Variants in USP15 observed in about 807,000 individuals in gnomAD.
The protein encoded by USP15 is ubiquitin carboxyl-terminal hydrolase 15.
Under a neutral mutation model 127.1 loss-of-function variants are expected in USP15, and 18 were observed. The ratio of observed to expected loss-of-function variants is 0.14; its 90% CI spans 0.10 to 0.21. The LOEUF is 0.21. Among genes scored for constraint, USP15 ranks in the 10% least tolerant of loss-of-function variants. The pLI is 1.00. For synonymous variants in USP15, 364 were observed against 393.7 expected (o/e 0.92, Z 0.89); for missense variants, 805 against 1,159.9 (o/e 0.69, Z 4.44).
At chr12:62,354,576 TTTC>T (rs1030836769) in intron 7 of USP15, among the ~76,000 whole-genome samples, 14 of 151,970 alleles carry the variant, frequency 9.2e-5, no homozygotes, top group Admixed American at 2.0e-4. Flanking sequence ...TTTAACTTAT[TTTC>T]TTCTTTCTAA....
rs762197022 is a variant in USP15, at chr12:62,384,332, T to G, written c.1473+30T>G. On this transcript the variant is annotated intron_variant, in intron 11 of 21. Coordinates refer to ENST00000280377, the MANE Select transcript of USP15 (RefSeq NM_001252078.2). ...ATCATGGGTTGGTTTGTTTTGTTTTTTTTTTTTTTTTTTTGCATTTGTTAT... is the reference window on the plus strand; with the variant it reads ...ATCATGGGTTGGTTTGTTTTGTTTTGTTTTTTTTTTTTTTGCATTTGTTAT... 4.8e-5 allele frequency: 59 copies of G among 1,237,170 alleles called. No homozygotes were observed. In the East Asian group the frequency reaches 5.6e-4, roughly 12 times the overall value. 76.6% of individuals were successfully genotyped at this position (1,237,170 alleles called of 1,614,324 possible).
rs1408959086 is a variant in USP15, at chr12:62,311,748, CAAG to C, written c.349-3039_349-3037del. Among the ~76,000 whole-genome samples the C allele has an allele frequency of 2.0e-5, 3 of 151,578 alleles. No individual in the cohort carries two copies. In the East Asian group the frequency reaches 5.8e-4, roughly 29 times the overall value. On this transcript the variant is annotated intron_variant, in intron 3 of 21. Transcript: ENST00000280377. ...ATGCAGTGGTCTAAAGTAAAAATTA[CAAG>C]AATAGGAAAGATGGAGAACTTCTAG... is the stretch of plus-strand genomic sequence containing the variant.
At chr12:62,335,486 C>G (rs1026496537) in intron 6 of USP15, 8 of 1,225,182 alleles carry the variant, frequency 6.5e-6, no homozygotes, top group Non-Finnish European at 8.2e-6. Context: ...TCTACTCTAC[C>G]TGTAGTATTT....
chr12:62,382,663 C>T (rs1468163170), intron 9 of USP15, among the ~76,000 whole-genome samples: 1 of 152,006 alleles, frequency 6.6e-6, no homozygotes, highest in East Asian at 1.9e-4. Context: ...CATACTATTA[C>T]ATTTATTTTC....
intron 6 of USP15, among the ~76,000 whole-genome samples, chr12:62,336,851 A>G (rs1227262714): frequency 6.6e-6 from 1 of 152,212 alleles, no homozygotes; most frequent in Non-Finnish European, 1.5e-5. Flanking sequence ...GAAAAGGAGT[A>G]TTTTCAGATC....
chr12:62,395,686 C>G (rs1282032422), intron 19 of USP15, among the ~76,000 whole-genome samples: 6 of 151,608 alleles, frequency 4.0e-5, no homozygotes, highest in South Asian at 2.1e-4. Context: ...CATCCTTCTA[C>G]TCTGTCTGTC....
At chr12:62,328,435 T>C in intron 6 of USP15, 1 of 271,948 alleles carries the variant, frequency 3.7e-6, no homozygotes, top group South Asian at 3.3e-5. Flanking sequence ...GGATTTGGCC[T>C]GTGAGCCATA....
intron 1 of USP15, among the ~76,000 whole-genome samples, chr12:62,261,497 A>G (rs2063056664): frequency 6.6e-6 from 1 of 152,210 alleles, no homozygotes; most frequent in Admixed American, 6.5e-5. Flanking sequence ...GTGTTTCAGT[A>G]TGGCATAGTG....
In USP15 at chr12:62,411,681, AC is replaced by A. The variant is rs1274288607; in HGVS notation, c.*7307del. ...GCTCAGGCTGCCATAACAAACACAG[AC>A]TGGGTGGCTTAAATAACAGAAATTT... On this transcript the variant is annotated 3_prime_UTR_variant, in exon 22 of 22. Transcript: ENST00000280377. 6.6e-6 allele frequency: 1 copy of A among 152,198 alleles called. No individual in the cohort carries two copies. The highest frequency in any genetic ancestry group is 1.5e-5 in the Non-Finnish European group (1 of 68,054). 9.4% of individuals were successfully genotyped at this position (152,198 alleles called of 1,614,324 possible). A position where few individuals can be genotyped will look rare whatever the true frequency, so the allele number is the denominator to read the frequency against.
intron 4 of USP15, among the ~76,000 whole-genome samples, chr12:62,319,326 G>C (rs770331348): frequency 6.6e-6 from 1 of 152,184 alleles, no homozygotes; most frequent in Non-Finnish European, 1.5e-5. Flanking sequence ...AAACACTGGG[G>C]ATTACAATTT....
At chr12:62,338,051 G>A (rs1343173215) in intron 6 of USP15, among the ~76,000 whole-genome samples, 2 of 152,122 alleles carry the variant, frequency 1.3e-5, no homozygotes, top group African/African-American at 4.8e-5. Context: ...TTGAGGAATC[G>A]CCACACTGTC....
chr12:62,345,926 A>G (rs1368775846), intron 6 of USP15, among the ~76,000 whole-genome samples: 1 of 152,152 alleles, frequency 6.6e-6, no homozygotes, highest in African/African-American at 2.4e-5. Context: ...CCCGTGATTC[A>G]ATCATTTCCC....
chr12:62,378,363 A>G (rs972025697), intron 8 of USP15, among the ~76,000 whole-genome samples: 9 of 152,180 alleles, frequency 5.9e-5, no homozygotes, highest in African/African-American at 2.2e-4. Flanking sequence ...TTGACTATTG[A>G]ATTTATGTAT....
intron 1 of USP15, among the ~76,000 whole-genome samples, chr12:62,266,745 T>C (rs2063201443): frequency 1.3e-5 from 2 of 152,130 alleles, no homozygotes; most frequent in Non-Finnish European, 2.9e-5. Context: ...TATATATTTA[T>C]ATGACTTATA....
At chr12:62,300,852 A>G (rs1011271943) in intron 2 of USP15, among the ~76,000 whole-genome samples, 1 of 152,172 alleles carries the variant, frequency 6.6e-6, no homozygotes, top group African/African-American at 2.4e-5. Context: ...ATATGATTCA[A>G]AAGCAAGGTT....
At chr12:62,394,713 G>T (rs2067430292) in intron 19 of USP15, among the ~76,000 whole-genome samples, 1 of 152,050 alleles carries the variant, frequency 6.6e-6, no homozygotes, top group African/African-American at 2.4e-5. Context: ...GCCGGGCATG[G>T]TTGTGCGCGC....
intron 8 of USP15, among the ~76,000 whole-genome samples, chr12:62,366,116 G>A (rs1391222101): frequency 6.6e-6 from 1 of 152,138 alleles, no homozygotes; most frequent in African/African-American, 2.4e-5. Context: ...GATGGGGATA[G>A]CATTGAAAGT....
chr12:62,316,575 A>G (rs748695494), intron 4 of USP15, among the ~76,000 whole-genome samples: 36 of 152,116 alleles, frequency 2.4e-4, no homozygotes, highest in Non-Finnish European at 3.5e-4. Flanking sequence ...TCTGAAGTTT[A>G]TAGCCAATTG....
chr12:62,290,614 A>G (rs2063933829), intron 1 of USP15, among the ~76,000 whole-genome samples: 1 of 152,328 alleles, frequency 6.6e-6, no homozygotes, highest in Admixed American at 6.5e-5. Flanking sequence ...TGTTTAAGGT[A>G]AATATTGATA....
Sources: allele counts gnomAD v4.1 joint callset (sites outside exome capture counted in the v4.1 genomes callset), GRCh38; gene constraint gnomAD v4.1.1; transcripts MANE v1.5; gene names NCBI Gene and HGNC (gene_info 2026-07-23, HGNC 2026-07-21).